The following ASB3 variants were observed in gnomAD, a reference collection of about 807,000 sequenced individuals.
ASB3 encodes the protein ankyrin repeat and SOCS box containing 3, also known as ankyrin repeat and SOCS box protein 3.
ASB3 carries 41 observed loss-of-function variants against 54.5 expected under a neutral mutation model. That is an observed-to-expected ratio of 0.75 (90% CI 0.59 to 0.98). The LOEUF (loss-of-function observed/expected upper bound fraction) is 0.98. Ranked by LOEUF, ASB3 falls within the 50% of genes least tolerant of loss-of-function variation. The pLI is 0.00. For missense variants in ASB3, 733 were observed against 620.0 expected (o/e 1.18, Z -1.94); for synonymous variants, 266 against 221.2 (o/e 1.20, Z -1.80).
chr2:53,775,695 C>T (rs1674292387), intron 1 of ASB3, among the ~76,000 whole-genome samples: 1 of 152,128 alleles, frequency 6.6e-6, no homozygotes. Flanking sequence ...AAGCTGGTCT[C>T]GATCTCCTGA....
At chr2:53,728,451 A>G (rs1480138938) in intron 5 of ASB3, among the ~76,000 whole-genome samples, 1 of 152,210 alleles carries the variant, frequency 6.6e-6, no homozygotes, top group African/African-American at 2.4e-5. Context: ...CAGCCCCATC[A>G]TTCAACTTGC....
At chr2:53,767,758 T>G in intron 1 of ASB3, 1 of 1,118,362 alleles carries the variant, frequency 8.9e-7, no homozygotes, top group Non-Finnish European at 1.3e-6. Context: ...CCCAGTGCGC[T>G]TTGCGCCCCA....
intron 5 of ASB3, among the ~76,000 whole-genome samples, chr2:53,719,988 C>T (rs1257663025): frequency 1.3e-5 from 2 of 152,152 alleles, no homozygotes; most frequent in East Asian, 1.9e-4. Flanking sequence ...TAAAAAATAG[C>T]TACTAAGATT....
At chr2:53,717,812 G>A (rs1670481232) in intron 5 of ASB3, among the ~76,000 whole-genome samples, 1 of 152,080 alleles carries the variant, frequency 6.6e-6, no homozygotes, top group Admixed American at 6.6e-5. Flanking sequence ...TTCAGGAAAT[G>A]AAGGCATCTT....
chr2:53,756,433 G>A (rs769720363), intron 2 of ASB3, among the ~76,000 whole-genome samples: 3 of 152,116 alleles, frequency 2.0e-5, no homozygotes, highest in Non-Finnish European at 4.4e-5. Flanking sequence ...ATTTTAACTT[G>A]GCATGGTGAT....
intron 3 of ASB3, among the ~76,000 whole-genome samples, chr2:53,734,697 C>T (rs1198388887): frequency 6.6e-6 from 1 of 152,136 alleles, no homozygotes; most frequent in Non-Finnish European, 1.5e-5. Flanking sequence ...AGCCTTGAAC[C>T]TCCTATTCAG....
chr2:53,671,353 CGTGTGTGTGT>C (rs142473697), intron 9 of ASB3, among the ~76,000 whole-genome samples: 70 of 142,594 alleles, frequency 4.9e-4, no homozygotes, highest in East Asian at 2.5e-3. Context: ...GAACCCAAAG[CGTGTGTGTGT>C]GTGTGTGTGT....
intron 2 of ASB3, among the ~76,000 whole-genome samples, chr2:53,760,307 T>C (rs1229630196): frequency 6.6e-6 from 1 of 152,058 alleles, no homozygotes; most frequent in East Asian, 1.9e-4. Context: ...CTATCAAACA[T>C]CAGGAAGACA....
intron 2 of ASB3, among the ~76,000 whole-genome samples, chr2:53,753,644 TTC>T (rs1672653539): frequency 6.8e-6 from 1 of 147,510 alleles, no homozygotes; most frequent in East Asian, 2.1e-4. Context: ...TTTTCTCTCT[TTC>T]TTTCTGTTTT....
At chr2:53,720,591 C>A (rs970106055) in intron 5 of ASB3, among the ~76,000 whole-genome samples, 1 of 152,174 alleles carries the variant, frequency 6.6e-6, no homozygotes, top group African/African-American at 2.4e-5. Context: ...CATCCAGTTT[C>A]ATAAAACAAG....
At chr2:53,734,019 C>T (rs1039418362) in intron 3 of ASB3, among the ~76,000 whole-genome samples, 3 of 152,210 alleles carry the variant, frequency 2.0e-5, no homozygotes, top group Non-Finnish European at 2.9e-5. Context: ...AGATCGGTCA[C>T]GCTATTGTTT....
intron 1 of ASB3, among the ~76,000 whole-genome samples, chr2:53,769,470 C>A (rs1467617642): frequency 6.6e-6 from 1 of 152,190 alleles, no homozygotes; most frequent in African/African-American, 2.4e-5. Flanking sequence ...TGTTACAAAA[C>A]ACATTGAGAT....
intron 1 of ASB3, among the ~76,000 whole-genome samples, chr2:53,772,101 G>C (rs1473975384): frequency 1.3e-5 from 2 of 152,022 alleles, no homozygotes; most frequent in Non-Finnish European, 2.9e-5. Flanking sequence ...TGTGAAAACT[G>C]AGGCCAATAA....
chr2:53,785,899 G>T (rs916364307), intron 1 of ASB3, among the ~76,000 whole-genome samples: 9 of 152,208 alleles, frequency 5.9e-5, no homozygotes, highest in Non-Finnish European at 8.8e-5. Flanking sequence ...GCATTAATAA[G>T]AAGTGCTGAA....
In ASB3 at chr2:53,711,728, C is replaced by A. The variant is rs536826985; in HGVS notation, c.980+2656G>T. On this transcript the variant is annotated intron_variant, in intron 7 of 9. Coordinates refer to ENST00000263634, the MANE Select transcript of ASB3 (RefSeq NM_016115.5). ...GATGGAGGTTGCAGTAAGCCCAGAT[C>A]GCGCCACTGTACTCCAGTCTGGGCA... Among the ~76,000 whole-genome samples, 9 of 151,888 alleles carry A rather than the reference C, an allele frequency of 5.9e-5. No individual in the cohort carries two copies. In the South Asian group the frequency reaches 1.5e-3, roughly 25 times the overall value.
At chr2:53,786,114 C>G (rs1389773054) in intron 1 of ASB3, among the ~76,000 whole-genome samples, 1 of 152,094 alleles carries the variant, frequency 6.6e-6, no homozygotes, top group African/African-American at 2.4e-5. Context: ...TTCTCTAAAG[C>G]CAACACTCTA....
intron 1 of ASB3, among the ~76,000 whole-genome samples, chr2:53,776,031 G>A (rs1674314571): frequency 6.6e-6 from 1 of 152,124 alleles, no homozygotes. Context: ...TTCTCAAGAG[G>A]ACATATAATC....
chr2:53,785,899 G>A (rs916364307), intron 1 of ASB3, among the ~76,000 whole-genome samples: 1 of 152,208 alleles, frequency 6.6e-6, no homozygotes, highest in East Asian at 1.9e-4. Flanking sequence ...GCATTAATAA[G>A]AAGTGCTGAA....
chr2:53,734,333 T>A (rs1671494743), intron 3 of ASB3, among the ~76,000 whole-genome samples: 2 of 152,204 alleles, frequency 1.3e-5, no homozygotes, highest in South Asian at 4.1e-4. Flanking sequence ...TAGGTTTTCC[T>A]TTCCCTAAAA....
Sources: allele counts gnomAD v4.1 joint callset (sites outside exome capture counted in the v4.1 genomes callset), GRCh38; gene constraint gnomAD v4.1.1; transcripts MANE v1.5; gene names NCBI Gene and HGNC (gene_info 2026-07-23, HGNC 2026-07-21).